SLC35F3: variants seen among roughly 807,000 people sequenced by gnomAD.
The protein encoded by SLC35F3 is solute carrier family 35 member F3.
Under a neutral mutation model 49.9 loss-of-function variants are expected in SLC35F3, and 25 were observed. The observed-to-expected ratio is 0.50, with a 90% CI of 0.37 to 0.70. SLC35F3 has a LOEUF of 0.70. Ranked by LOEUF, SLC35F3 falls within the 30% of genes least tolerant of loss-of-function variation. The pLI, the probability that SLC35F3 is intolerant of heterozygous loss-of-function variation, is 0.00. For missense variants in SLC35F3, 525 were observed against 639.8 expected (o/e 0.82, Z 1.94); for synonymous variants, 275 against 265.4 (o/e 1.04, Z -0.35).
At chr1:234,160,599 G>A (rs1666210508) in intron 2 of SLC35F3, among the ~76,000 whole-genome samples, 1 of 152,158 alleles carries the variant, frequency 6.6e-6, no homozygotes. Context: ...CACAGGCCAG[G>A]ACTGTCCAGG....
intron 2 of SLC35F3, among the ~76,000 whole-genome samples, chr1:234,116,633 TC>T (rs1401345345): frequency 6.6e-6 from 1 of 152,108 alleles, no homozygotes; most frequent in Non-Finnish European, 1.5e-5. Context: ...TGCCTCAGCC[TC>T]CCAAGTAGCT....
rs537210956 is a variant in SLC35F3, at chr1:234,205,940, G to T, written c.284-25477G>T. On this transcript the variant is annotated intron_variant, in intron 2 of 7. Transcript: ENST00000366618. ...TGGGTGAGGGGTCCGTGTAGAGGAAGGAGGAGAAGAAGGCTATGTTGGGAG... is the reference window on the plus strand; with the variant it reads ...TGGGTGAGGGGTCCGTGTAGAGGAATGAGGAGAAGAAGGCTATGTTGGGAG... 1.9e-4 allele frequency among the ~76,000 whole-genome samples: 29 copies of T among 152,294 alleles called. No individual in the cohort carries two copies. In the South Asian group the frequency reaches 5.8e-3, roughly 30 times the overall value.
intron 2 of SLC35F3, among the ~76,000 whole-genome samples, chr1:234,042,947 G>A (rs916447461): frequency 6.6e-6 from 1 of 152,160 alleles, no homozygotes; most frequent in Non-Finnish European, 1.5e-5. Context: ...GTTATCAGTA[G>A]TTCTGCTAAT....
chr1:234,252,157 C>A (rs1005371844), intron 3 of SLC35F3, among the ~76,000 whole-genome samples: 6 of 152,106 alleles, frequency 3.9e-5, no homozygotes. Context: ...GAAACCTCTG[C>A]GTCCCAGATT....
At chr1:234,221,001 A>G (rs1167710100) in intron 2 of SLC35F3, among the ~76,000 whole-genome samples, 4 of 152,192 alleles carry the variant, frequency 2.6e-5, no homozygotes, top group Admixed American at 2.6e-4. Flanking sequence ...GACCGTGCAC[A>G]TTTAGGACAT....
At chr1:234,139,873 G>C (rs144149832) in intron 2 of SLC35F3, among the ~76,000 whole-genome samples, 1 of 150,840 alleles carries the variant, frequency 6.6e-6, no homozygotes, top group Admixed American at 6.6e-5. Context: ...GCTTGAACCC[G>C]GGAGGCAGAG....
intron 3 of SLC35F3, among the ~76,000 whole-genome samples, chr1:234,280,554 C>T (rs75374307): frequency 0.023 from 3,487 of 152,172 alleles, 111 homozygotes; most frequent in African/African-American, 0.069. Context: ...GTGGGTAGAA[C>T]AAGAAAATGG....
chr1:234,189,553 C>G (rs1666701049), intron 2 of SLC35F3, among the ~76,000 whole-genome samples: 1 of 151,498 alleles, frequency 6.6e-6, no homozygotes, highest in African/African-American at 2.4e-5. Context: ...TTAACAAAGC[C>G]TCCGAGAAGT....
chr1:234,268,316 G>A (rs936355021), intron 3 of SLC35F3, among the ~76,000 whole-genome samples: 143 of 147,410 alleles, frequency 9.7e-4, no homozygotes, highest in African/African-American at 3.3e-3. Flanking sequence ...CCAGTCAGGC[G>A]TGGCGGCGCG....
intron 2 of SLC35F3, among the ~76,000 whole-genome samples, chr1:233,921,322 T>TC (rs1223033247): frequency 1.3e-5 from 2 of 152,058 alleles, no homozygotes; most frequent in Admixed American, 6.6e-5. Context: ...ATGCACAGTC[T>TC]CCCCCATCTT....
chr1:234,195,218 C>T (rs774677806), intron 2 of SLC35F3, among the ~76,000 whole-genome samples: 1 of 152,184 alleles, frequency 6.6e-6, no homozygotes, highest in South Asian at 2.1e-4. Context: ...TACCTAGGAG[C>T]AAGTATGACA....
chr1:234,307,569 C>T (rs2102993145), intron 3 of SLC35F3, among the ~76,000 whole-genome samples: 1 of 152,184 alleles, frequency 6.6e-6, no homozygotes, highest in East Asian at 1.9e-4. Context: ...TTTAATTTTC[C>T]TCCTTTTTCT....
intron 2 of SLC35F3, among the ~76,000 whole-genome samples, chr1:233,950,847 G>T (rs1662595579): frequency 2.0e-5 from 3 of 151,556 alleles, no homozygotes; most frequent in Non-Finnish European, 2.9e-5. Flanking sequence ...ACTTTTGTTG[G>T]TTTTTTTTCC....
At chr1:233,933,414 T>A (rs1662276941) in intron 2 of SLC35F3, among the ~76,000 whole-genome samples, 1 of 152,154 alleles carries the variant, frequency 6.6e-6, no homozygotes, top group East Asian at 1.9e-4. Context: ...AGTGGTGCAA[T>A]TCTAGCTCAC....
At chr1:233,958,952 A>G (rs1662749555) in intron 2 of SLC35F3, among the ~76,000 whole-genome samples, 1 of 152,164 alleles carries the variant, frequency 6.6e-6, no homozygotes, top group Admixed American at 6.5e-5. Context: ...TGTTTATATC[A>G]TGTTTTTCTT....
chr1:233,922,241 A>C, intron 2 of SLC35F3, among the ~76,000 whole-genome samples: 1 of 152,216 alleles, frequency 6.6e-6, no homozygotes, highest in Admixed American at 6.5e-5. Context: ...TGGTTGAACT[A>C]GTTTACAGTC....
At chr1:234,311,698 G>A (rs1657359040) in intron 4 of SLC35F3, among the ~76,000 whole-genome samples, 1 of 152,244 alleles carries the variant, frequency 6.6e-6, no homozygotes. Flanking sequence ...AGCCATTGGA[G>A]TGTCTGTTTG....
intron 2 of SLC35F3, among the ~76,000 whole-genome samples, chr1:233,971,568 A>C (rs6702563): frequency 0.31 from 46,538 of 151,916 alleles, 7,359 homozygotes; most frequent in East Asian, 0.54. Flanking sequence ...AAGAATACAA[A>C]AATTAGCCAG....
chr1:234,198,838 T>G (rs896704369), intron 2 of SLC35F3, among the ~76,000 whole-genome samples: 1 of 152,140 alleles, frequency 6.6e-6, no homozygotes. Flanking sequence ...ATTCCCTGAA[T>G]AGCCAAAGAT....
Sources: gnomAD v4.1 joint callset for allele counts (sites outside exome capture counted in the v4.1 genomes callset) on GRCh38, gnomAD v4.1.1 for gene constraint, MANE v1.5 for transcripts, NCBI Gene and HGNC (gene_info 2026-07-23, HGNC 2026-07-21) for gene names.